Variants in ATP2B1 observed in about 807,000 individuals in gnomAD.
ATP2B1 encodes plasma membrane calcium-transporting ATPase 1.
In ATP2B1, 14 loss-of-function variants were observed where a neutral mutation model predicts 124.2. That is an observed-to-expected ratio of 0.11 (90% CI 0.07 to 0.18). The LOEUF is 0.18. Ranked by LOEUF, ATP2B1 falls within the 10% of genes least tolerant of loss-of-function variation. The pLI is 1.00. For synonymous variants in ATP2B1, 449 were observed against 492.4 expected (o/e 0.91, Z 1.17); for missense variants, 763 against 1,466.1 (o/e 0.52, Z 7.83).
chr12:89,658,596 C>G (rs1385683260), intron 1 of ATP2B1, among the ~76,000 whole-genome samples: 2 of 52,242 alleles, frequency 3.8e-5, no homozygotes, highest in Non-Finnish European at 7.5e-5. Context: ...AGAATTCAAA[C>G]AGGAGAGAGA....
chr12:89,695,545 C>A (rs888496960), intron 1 of ATP2B1, among the ~76,000 whole-genome samples: 2 of 152,024 alleles, frequency 1.3e-5, no homozygotes, highest in Non-Finnish European at 2.9e-5. Flanking sequence ...CCTAGTTTTA[C>A]CTCGTTTACA....
At chr12:89,628,261 G>C (rs1881230562) in intron 6 of ATP2B1, among the ~76,000 whole-genome samples, 1 of 152,088 alleles carries the variant, frequency 6.6e-6, no homozygotes, top group African/African-American at 2.4e-5. Flanking sequence ...AATTAGCCGG[G>C]TGTGGTGGCA....
At chr12:89,628,745 C>T (rs929856563) in intron 6 of ATP2B1, among the ~76,000 whole-genome samples, 6 of 152,112 alleles carry the variant, frequency 3.9e-5, no homozygotes, top group Admixed American at 1.3e-4. Flanking sequence ...TATCTTCAAA[C>T]GGAAAACATG....
At chr12:89,629,291 C>T (rs1316747607) in intron 6 of ATP2B1, among the ~76,000 whole-genome samples, 1 of 152,122 alleles carries the variant, frequency 6.6e-6, no homozygotes. Context: ...TCTCCGTAAG[C>T]CTCAGTTTAC....
chr12:89,696,433 A>C (rs534890762), intron 1 of ATP2B1, among the ~76,000 whole-genome samples: 1 of 152,328 alleles, frequency 6.6e-6, no homozygotes, highest in African/African-American at 2.4e-5. Context: ...ACATCCAATA[A>C]CAAGGGACTA....
At chr12:89,640,561 A>G (rs911838743) in intron 3 of ATP2B1, among the ~76,000 whole-genome samples, 2 of 152,264 alleles carry the variant, frequency 1.3e-5, no homozygotes, top group Non-Finnish European at 2.9e-5. Flanking sequence ...GAGAAAGAAT[A>G]CAGTCTTACG....
intron 1 of ATP2B1, among the ~76,000 whole-genome samples, chr12:89,662,530 G>A (rs1053685416): frequency 6.6e-6 from 1 of 151,950 alleles, no homozygotes; most frequent in Non-Finnish European, 1.5e-5. Flanking sequence ...ACTTCTTAAG[G>A]GGCTTAAAGA....
chr12:89,704,882 GATTTAATTAGAT>G (rs1338519043), intron 1 of ATP2B1, among the ~76,000 whole-genome samples: 2 of 152,116 alleles, frequency 1.3e-5, no homozygotes, highest in Non-Finnish European at 2.9e-5. Context: ...TGACCATTCA[GATTTAATTAGAT>G]ATTGGACACT....
chr12:89,622,971 T>C (rs1240473688), intron 9 of ATP2B1, among the ~76,000 whole-genome samples: 1 of 152,214 alleles, frequency 6.6e-6, no homozygotes, highest in Non-Finnish European at 1.5e-5. Context: ...GACTGTTCTA[T>C]GTGTCCAAAA....
At chr12:89,692,994 T>C (rs753445065) in intron 1 of ATP2B1, among the ~76,000 whole-genome samples, 1 of 152,236 alleles carries the variant, frequency 6.6e-6, no homozygotes. Flanking sequence ...GGATGTACTG[T>C]ATGCTTCTGT....
At chr12:89,658,510 C>T (rs1439481733) in intron 1 of ATP2B1, among the ~76,000 whole-genome samples, 1 of 151,402 alleles carries the variant, frequency 6.6e-6, no homozygotes, top group Non-Finnish European at 1.5e-5. Flanking sequence ...TCCATTCCAG[C>T]TTTTATCAGT....
chr12:89,630,948 A>C (rs970315950), intron 5 of ATP2B1, among the ~76,000 whole-genome samples: 1 of 151,696 alleles, frequency 6.6e-6, no homozygotes, highest in Non-Finnish European at 1.5e-5. Flanking sequence ...TTTTAAAAAA[A>C]TTTTGTAGAG....
intron 8 of ATP2B1, among the ~76,000 whole-genome samples, chr12:89,625,584 C>CAAAAA (rs10560749): frequency 2.9e-4 from 24 of 81,568 alleles, no homozygotes; most frequent in African/African-American, 6.8e-4. Flanking sequence ...GACCCTGTCT[C>CAAAAA]AAAAAAAAAA....
At chr12:89,705,842 AGC>A (rs1421449411) in intron 1 of ATP2B1, among the ~76,000 whole-genome samples, 1 of 152,182 alleles carries the variant, frequency 6.6e-6, no homozygotes, top group East Asian at 1.9e-4. Context: ...ACTTATCTAC[AGC>A]TCAATAGCCA....
intron 12 of ATP2B1, among the ~76,000 whole-genome samples, chr12:89,613,320 A>C (rs566366272): frequency 6.6e-6 from 1 of 152,294 alleles, no homozygotes; most frequent in East Asian, 1.9e-4. Flanking sequence ...AATGTAATTA[A>C]TTGCAATTTA....
chr12:89,609,912 G>T (rs753742419), intron 15 of ATP2B1, 25 bp downstream of exon 15: 1 of 1,595,316 alleles, frequency 6.3e-7, no homozygotes, highest in Admixed American at 1.7e-5. Context: ...ATTACGTTTG[G>T]ATATTTGAAT....
chr12:89,694,824 A>C (rs913930656), intron 1 of ATP2B1, among the ~76,000 whole-genome samples: 2 of 152,146 alleles, frequency 1.3e-5, no homozygotes, highest in Non-Finnish European at 2.9e-5. Context: ...TGTGAGGCCG[A>C]GGAAGGGGAA....
At chr12:89,665,895 G>C (rs1887257892) in intron 1 of ATP2B1, among the ~76,000 whole-genome samples, 1 of 152,194 alleles carries the variant, frequency 6.6e-6, no homozygotes, top group African/African-American at 2.4e-5. Flanking sequence ...TGGCAATATT[G>C]AGGGAGGCAT....
chr12:89,665,645 T>C (rs1337279897), intron 1 of ATP2B1, among the ~76,000 whole-genome samples: 2 of 152,258 alleles, frequency 1.3e-5, no homozygotes, highest in Non-Finnish European at 2.9e-5. Context: ...TTTTCCAGTC[T>C]CACTGGTGTT....
Sources: allele counts gnomAD v4.1 joint callset (sites outside exome capture counted in the v4.1 genomes callset), GRCh38; gene constraint gnomAD v4.1.1; transcripts MANE v1.5; gene names NCBI Gene and HGNC (gene_info 2026-07-23, HGNC 2026-07-21).